Variants in SMC5 observed in about 807,000 individuals in gnomAD.
SMC5 encodes the protein structural maintenance of chromosomes 5, also known as structural maintenance of chromosomes protein 5.
Under a neutral mutation model 148.3 loss-of-function variants are expected in SMC5, and 88 were observed. The observed-to-expected ratio is 0.59, with a 90% CI of 0.50 to 0.71. SMC5 has a LOEUF of 0.71. Among genes scored for constraint, SMC5 ranks in the 30% least tolerant of loss-of-function variants. SMC5 has a pLI of 0.00. For missense variants in SMC5, 1,142 were observed against 1,298.9 expected (o/e 0.88, Z 1.86); for synonymous variants, 421 against 432.8 (o/e 0.97, Z 0.34).
At chr9:70,323,649 G>A (rs2036005352) in intron 16 of SMC5, 43 bp downstream of exon 16, 3 of 1,581,332 alleles carry the variant, frequency 1.9e-6, no homozygotes, top group Non-Finnish European at 2.6e-6. Context: ...AAAGGAAATA[G>A]CGGGCAGATA....
chr9:70,340,412 GTTAAGA>G (rs2036488249), intron 17 of SMC5, among the ~76,000 whole-genome samples: 1 of 151,830 alleles, frequency 6.6e-6, no homozygotes, highest in East Asian at 1.9e-4. Context: ...TGTATTAAAA[GTTAAGA>G]TTATTATTCT....
At chr9:70,285,440 A>G (rs1025939447) in intron 7 of SMC5, among the ~76,000 whole-genome samples, 2 of 152,248 alleles carry the variant, frequency 1.3e-5, no homozygotes, top group African/African-American at 4.8e-5. Flanking sequence ...GCGTTAGGCA[A>G]CTAGGCCTTC....
chr9:70,275,493 A>G lies in SMC5; in HGVS notation c.381-1817A>G, dbSNP rs150893282. On this transcript the variant is annotated intron_variant, in intron 3 of 24. Coordinates refer to ENST00000361138, the MANE Select transcript of SMC5 (RefSeq NM_015110.4). ...TGAGATTACAGGCGTGAGCCACCAC[A>G]TCTGGCCTGATTGTTGTCTTCTAAT... Among the ~76,000 whole-genome samples the G allele has an allele frequency of 4.0e-4, 61 of 152,220 alleles. 1 individual carries two copies. The highest frequency in any genetic ancestry group is 1.4e-3 in the African/African-American group (58 of 41,546).
chr9:70,278,380 ATG>A (rs989087498), intron 4 of SMC5, 109 bp from the exon 5 acceptor site: 19 of 958,292 alleles, frequency 2.0e-5, no homozygotes, highest in Admixed American at 7.1e-5. Context: ...TATATCTCAA[ATG>A]TTTTTTTTAA....
intron 4 of SMC5, among the ~76,000 whole-genome samples, chr9:70,278,124 T>G (rs1056201884): frequency 6.6e-6 from 1 of 152,078 alleles, no homozygotes; most frequent in Non-Finnish European, 1.5e-5. Context: ...TCTCCAGAAG[T>G]AGATGTTTGA....
chr9:70,329,153 A>G (rs1181164067), intron 17 of SMC5, among the ~76,000 whole-genome samples: 1 of 152,052 alleles, frequency 6.6e-6, no homozygotes, highest in Non-Finnish European at 1.5e-5. Context: ...CCCTGGAGGC[A>G]TTTTCCCCAT....
chr9:70,328,736 T>C (rs2077399027), intron 17 of SMC5, among the ~76,000 whole-genome samples: 1 of 152,224 alleles, frequency 6.6e-6, no homozygotes, highest in African/African-American at 2.4e-5. Context: ...AGTGCCCCAG[T>C]GGGGACTCTG....
At chr9:70,268,545 A>G (rs1587618104) in intron 3 of SMC5, among the ~76,000 whole-genome samples, 2 of 152,024 alleles carry the variant, frequency 1.3e-5, no homozygotes, top group South Asian at 4.1e-4. Context: ...ATAGAACTAT[A>G]CTACTATTAA....
At chr9:70,295,523 A>C (rs2118352622) in intron 8 of SMC5, among the ~76,000 whole-genome samples, 1 of 152,094 alleles carries the variant, frequency 6.6e-6, no homozygotes, top group South Asian at 2.1e-4. Flanking sequence ...TTACAGATAT[A>C]GAGCAGTATG....
At chr9:70,312,555 G>C (rs1190519348) in intron 11 of SMC5, among the ~76,000 whole-genome samples, 4 of 152,194 alleles carry the variant, frequency 2.6e-5, no homozygotes, top group African/African-American at 9.7e-5. Flanking sequence ...TAGGTATGAG[G>C]TTTGCGTGGA....
chr9:70,308,410 G>A (rs764115044), intron 11 of SMC5, among the ~76,000 whole-genome samples: 1 of 151,236 alleles, frequency 6.6e-6, no homozygotes, highest in Non-Finnish European at 1.5e-5. Flanking sequence ...TTGAGACCAC[G>A]GTGAAACCCT....
At chr9:70,331,495 A>G (rs11142372) in intron 17 of SMC5, among the ~76,000 whole-genome samples, 11,677 of 149,626 alleles carry the variant, frequency 0.078, 524 homozygotes, top group African/African-American at 0.13. Flanking sequence ...TAGTGGTATT[A>G]TGGTTATGGG....
chr9:70,313,773 T>C (rs1211683200), intron 11 of SMC5, among the ~76,000 whole-genome samples: 1 of 152,218 alleles, frequency 6.6e-6, no homozygotes, highest in African/African-American at 2.4e-5. Flanking sequence ...GTGCTGCGAT[T>C]ACAGGTGTAA....
intron 3 of SMC5, among the ~76,000 whole-genome samples, chr9:70,274,864 C>G (rs1448702452): frequency 2.0e-5 from 3 of 152,028 alleles, no homozygotes. Context: ...CTTCTCTGAA[C>G]TTACATGCTT....
chr9:70,286,386 C>T lies in SMC5; in HGVS notation c.1053+115C>T, dbSNP rs1587642945. The T allele has an allele frequency of 1.1e-5, 7 of 641,076 alleles. No individual in the cohort carries two copies. In the East Asian group the frequency reaches 1.7e-4, roughly 16 times the overall value. The allele number at this position is 641,076 out of a possible 1,614,324, so 39.7% of individuals were successfully genotyped here. ...GAATGGCCAAGATCCTCTGCATTCT[C>T]TATTTCTTAATCCGAGGGAAAGTAA... is the stretch of plus-strand genomic sequence containing the variant. On this transcript the variant is annotated intron_variant, in intron 8 of 24. Transcript: ENST00000361138.
chr9:70,341,317 T>C (rs1312606678), intron 17 of SMC5, among the ~76,000 whole-genome samples: 1 of 152,212 alleles, frequency 6.6e-6, no homozygotes, highest in Non-Finnish European at 1.5e-5. Context: ...AACTCATTGA[T>C]ACTTCTTTTC....
intron 2 of SMC5, among the ~76,000 whole-genome samples, chr9:70,265,205 G>A (rs1034528240): frequency 2.0e-5 from 3 of 152,072 alleles, no homozygotes; most frequent in Admixed American, 6.5e-5. Context: ...GGCTGGGTGC[G>A]GTAGCTCATG....
chr9:70,293,423 T>C (rs750537357), intron 8 of SMC5, among the ~76,000 whole-genome samples: 10 of 151,988 alleles, frequency 6.6e-5, no homozygotes, highest in Non-Finnish European at 1.3e-4. Context: ...GTTTGTTTTA[T>C]TGATTTTTCT....
rs552039326 is a variant in SMC5, at chr9:70,286,175, C to T, written c.982-25C>T. The T allele has an allele frequency of 4.3e-6, 6 of 1,402,826 alleles. No homozygotes were observed. The East Asian group carries it at 7.0e-5, about 16-fold the overall frequency. The allele number at this position is 1,402,826 out of a possible 1,614,324, so 86.9% of individuals were successfully genotyped here. ...CATGAGTTTTTAACTAGCTGTCCCC[C>T]CCTCTCCCCGGTTTAATTTTACAGG... On this transcript the variant is annotated intron_variant, in intron 7 of 24. Transcript: ENST00000361138.
Sources: gnomAD v4.1 joint callset for allele counts (sites outside exome capture counted in the v4.1 genomes callset) on GRCh38, gnomAD v4.1.1 for gene constraint, MANE v1.5 for transcripts, NCBI Gene and HGNC (gene_info 2026-07-23, HGNC 2026-07-21) for gene names.